The following COG5 variants were observed in gnomAD, a reference collection of about 807,000 sequenced individuals.
COG5 encodes conserved oligomeric Golgi complex subunit 5.
In COG5, 86 loss-of-function variants were observed where a neutral mutation model predicts 110.4. The observed-to-expected ratio is 0.78, with a 90% CI of 0.65 to 0.93. The LOEUF (loss-of-function observed/expected upper bound fraction) is 0.93. Ranked by LOEUF, COG5 falls within the 40% of genes least tolerant of loss-of-function variation. COG5 has a pLI of 0.00. For synonymous variants in COG5, 360 were observed against 334.6 expected (o/e 1.08, Z -0.83); for missense variants, 1,077 against 987.0 (o/e 1.09, Z -1.22).
At chr7:107,215,099 G>A (rs1232635729) in intron 19 of COG5, among the ~76,000 whole-genome samples, 2 of 152,072 alleles carry the variant, frequency 1.3e-5, no homozygotes, top group African/African-American at 4.8e-5. Flanking sequence ...CCTGTTATGA[G>A]TATATGGTTT....
At chr7:107,222,935 G>A (rs1387544361) in intron 19 of COG5, among the ~76,000 whole-genome samples, 1 of 151,982 alleles carries the variant, frequency 6.6e-6, no homozygotes, top group Non-Finnish European at 1.5e-5. Context: ...ACATTTAAAC[G>A]ATTCATAGCT....
chr7:107,227,286 T>A (rs1352433436), intron 19 of COG5, among the ~76,000 whole-genome samples: 1 of 152,168 alleles, frequency 6.6e-6, no homozygotes. Context: ...TGTATATGTA[T>A]ATAGATTTGA....
chr7:107,489,153 A>T (rs186175103), intron 6 of COG5, among the ~76,000 whole-genome samples: 1 of 152,202 alleles, frequency 6.6e-6, no homozygotes, highest in African/African-American at 2.4e-5. Flanking sequence ...TAAAATGTTA[A>T]AACTGCAGGG....
At chr7:107,530,533 G>A (rs906216335) in intron 5 of COG5, among the ~76,000 whole-genome samples, 4 of 150,408 alleles carry the variant, frequency 2.7e-5, no homozygotes, top group African/African-American at 7.4e-5. Flanking sequence ...CCCGGGAGGC[G>A]GAGGTTGCGA....
intron 7 of COG5, among the ~76,000 whole-genome samples, chr7:107,409,818 C>T (rs1012412652): frequency 5.3e-5 from 8 of 152,116 alleles, no homozygotes; most frequent in Non-Finnish European, 1.0e-4. Flanking sequence ...CCTTGATTTT[C>T]CTTGTAAGGA....
intron 6 of COG5, among the ~76,000 whole-genome samples, chr7:107,504,337 T>C (rs180930560): frequency 1.1e-4 from 16 of 152,306 alleles, no homozygotes; most frequent in Admixed American, 4.6e-4. Context: ...CCTGCATCCC[T>C]GAAATAAAAC....
intron 12 of COG5, among the ~76,000 whole-genome samples, chr7:107,291,735 T>C (rs1436553751): frequency 1.3e-5 from 2 of 152,246 alleles, no homozygotes; most frequent in East Asian, 3.9e-4. Flanking sequence ...GCTCCTTTGA[T>C]AGAACCTTTC....
intron 8 of COG5, among the ~76,000 whole-genome samples, chr7:107,363,732 G>A (rs145575364): frequency 1.2e-4 from 19 of 152,070 alleles, no homozygotes; most frequent in African/African-American, 4.6e-4. Flanking sequence ...CAAGGTGGAC[G>A]GATCACCTGA....
At chr7:107,379,465 A>G (rs939085564) in intron 7 of COG5, among the ~76,000 whole-genome samples, 1 of 152,186 alleles carries the variant, frequency 6.6e-6, no homozygotes, top group Admixed American at 6.5e-5. Context: ...CAATTAAAAG[A>G]CACGGACTAG....
intron 10 of COG5, among the ~76,000 whole-genome samples, chr7:107,347,909 G>A (rs868067315): frequency 6.6e-6 from 1 of 151,798 alleles, no homozygotes; most frequent in Non-Finnish European, 1.5e-5. Flanking sequence ...GGTGGATCAC[G>A]AGGTCAGGAG....
chr7:107,211,028 G>T, intron 20 of COG5, 71 bp downstream of exon 20: 1 of 1,547,986 alleles, frequency 6.5e-7, no homozygotes. Flanking sequence ...CATTCAGTGA[G>T]TAGGGGCTCA....
intron 10 of COG5, among the ~76,000 whole-genome samples, chr7:107,330,135 T>A (rs918522951): frequency 6.6e-6 from 1 of 152,246 alleles, no homozygotes; most frequent in African/African-American, 2.4e-5. Flanking sequence ...ACTCCCAGTA[T>A]GTCTTACATT....
chr7:107,416,041 A>ACACACATACACGT (rs1563021792), intron 6 of COG5, among the ~76,000 whole-genome samples: 1 of 141,618 alleles, frequency 7.1e-6, no homozygotes, highest in Non-Finnish European at 1.6e-5. Flanking sequence ...TGTATATATA[A>ACACACATACACGT]ATAGCAACAT....
intron 6 of COG5, among the ~76,000 whole-genome samples, chr7:107,523,307 T>C (rs1800465049): frequency 6.6e-6 from 1 of 152,080 alleles, no homozygotes; most frequent in East Asian, 1.9e-4. Context: ...TTCCAATTGC[T>C]TGTTGCTAAG....
At chr7:107,251,504 AG>A (rs1179712784) in intron 16 of COG5, among the ~76,000 whole-genome samples, 1 of 152,166 alleles carries the variant, frequency 6.6e-6, no homozygotes, top group Non-Finnish European at 1.5e-5. Context: ...ACTTAAAAAA[AG>A]GTAAAACCAT....
chr7:107,210,633 A>T, intron 20 of COG5, 28 bp from the exon 21 acceptor site: 1 of 1,576,352 alleles, frequency 6.3e-7, no homozygotes, highest in Non-Finnish European at 8.6e-7. Flanking sequence ...AATTAGAGAG[A>T]GTGCATACGC....
chr7:107,344,123 T>C (rs1038237105), intron 10 of COG5, among the ~76,000 whole-genome samples: 1 of 152,184 alleles, frequency 6.6e-6, no homozygotes, highest in Non-Finnish European at 1.5e-5. Context: ...AAGCCAGGTA[T>C]GGACTTCCGC....
At chr7:107,226,572 T>G (rs1397910864) in intron 19 of COG5, among the ~76,000 whole-genome samples, 2 of 152,206 alleles carry the variant, frequency 1.3e-5, no homozygotes, top group Admixed American at 1.3e-4. Flanking sequence ...GTCAATTCTC[T>G]TTACATGACA....
intron 12 of COG5, among the ~76,000 whole-genome samples, chr7:107,289,755 G>A (rs1181135568): frequency 6.6e-6 from 1 of 152,040 alleles, no homozygotes; most frequent in East Asian, 1.9e-4. Context: ...TTGTGGTGTT[G>A]TTATACATAT....
Sources: allele counts gnomAD v4.1 joint callset (sites outside exome capture counted in the v4.1 genomes callset), GRCh38; gene constraint gnomAD v4.1.1; transcripts MANE v1.5; gene names NCBI Gene and HGNC (gene_info 2026-07-23, HGNC 2026-07-21).